ADARB2: variants seen among roughly 807,000 people sequenced by gnomAD.
The protein encoded by ADARB2 is inactive double-stranded RNA-specific editase B2.
A neutral mutation model predicts 62.2 loss-of-function variants in ADARB2; 25 were observed. The observed-to-expected ratio is 0.40, with a 90% CI of 0.29 to 0.56. ADARB2 has a LOEUF of 0.56. Ranked by LOEUF, ADARB2 falls within the 20% of genes least tolerant of loss-of-function variation. The pLI is 0.43. For synonymous variants in ADARB2, 572 were observed against 500.8 expected (o/e 1.14, Z -1.90); for missense variants, 1,071 against 1,077.4 (o/e 0.99, Z 0.08).
chr10:1,353,905 C>T (rs1295232953), intron 3 of ADARB2, among the ~76,000 whole-genome samples: 1 of 152,208 alleles, frequency 6.6e-6, no homozygotes, highest in Non-Finnish European at 1.5e-5. Flanking sequence ...AGACTCTCCT[C>T]CCATGCCCTC....
intron 5 of ADARB2, among the ~76,000 whole-genome samples, chr10:1,235,010 G>C (rs1830851413): frequency 6.6e-6 from 1 of 152,142 alleles, no homozygotes; most frequent in Admixed American, 6.5e-5. Context: ...GCCCCCCAAA[G>C]AGCTGGGATT....
At chr10:1,497,351 G>T (rs1430815549) in intron 1 of ADARB2, among the ~76,000 whole-genome samples, 1 of 152,170 alleles carries the variant, frequency 6.6e-6, no homozygotes, top group Non-Finnish European at 1.5e-5. Context: ...TTCATCATAT[G>T]AAATATTGCA....
At chr10:1,578,425 C>A (rs140473679) in intron 1 of ADARB2, among the ~76,000 whole-genome samples, 121 of 152,242 alleles carry the variant, frequency 7.9e-4, no homozygotes, top group African/African-American at 2.6e-3. Context: ...GACTTTGAAA[C>A]CTGCGTGAGG....
intron 1 of ADARB2, among the ~76,000 whole-genome samples, chr10:1,647,862 G>T (rs1028935541): frequency 2.6e-5 from 4 of 151,896 alleles, no homozygotes; most frequent in Non-Finnish European, 4.4e-5. Flanking sequence ...ATGTGTATGT[G>T]TGTGTATGTG....
intron 1 of ADARB2, among the ~76,000 whole-genome samples, chr10:1,674,414 G>C (rs1017541400): frequency 2.6e-5 from 4 of 152,160 alleles, no homozygotes; most frequent in Non-Finnish European, 5.9e-5. Context: ...GCTTTGGGTG[G>C]CACTGAGATT....
intron 1 of ADARB2, among the ~76,000 whole-genome samples, chr10:1,474,709 C>T (rs748368455): frequency 2.6e-5 from 4 of 152,106 alleles, no homozygotes; most frequent in Non-Finnish European, 5.9e-5. Flanking sequence ...GGAGAGAATG[C>T]GTGGGAATGG....
chr10:1,325,438 T>C (rs980078827), intron 3 of ADARB2, among the ~76,000 whole-genome samples: 3 of 152,218 alleles, frequency 2.0e-5, no homozygotes, highest in African/African-American at 7.2e-5. Context: ...CACTCCTGCA[T>C]GTACTGGATA....
chr10:1,540,487 G>A (rs3956253), intron 1 of ADARB2, among the ~76,000 whole-genome samples: 8,661 of 109,910 alleles, frequency 0.079, 1,445 homozygotes, highest in Non-Finnish European at 0.1. Flanking sequence ...CTCAGACGTA[G>A]TTCAGACCCT....
intron 1 of ADARB2, among the ~76,000 whole-genome samples, chr10:1,501,139 C>A (rs563859414): frequency 6.6e-6 from 1 of 152,176 alleles, no homozygotes; most frequent in African/African-American, 2.4e-5. Context: ...TCCCAAAGTG[C>A]TGGGATTATA....
At chr10:1,232,336 TGTA>T (rs960620281) in intron 6 of ADARB2, among the ~76,000 whole-genome samples, 54 of 152,210 alleles carry the variant, frequency 3.5e-4, no homozygotes, top group African/African-American at 1.3e-3. Flanking sequence ...ACATGTGTGT[TGTA>T]TATGCTGTGT....
intron 1 of ADARB2, among the ~76,000 whole-genome samples, chr10:1,604,760 G>A (rs1252811947): frequency 6.6e-6 from 1 of 152,158 alleles, no homozygotes; most frequent in African/African-American, 2.4e-5. Context: ...GTTACAATGA[G>A]TTCATGCATC....
At chr10:1,231,086 G>C (rs11250351) in intron 6 of ADARB2, among the ~76,000 whole-genome samples, 1 of 152,086 alleles carries the variant, frequency 6.6e-6, no homozygotes, top group Non-Finnish European at 1.5e-5. Context: ...CAGTGGACTA[G>C]AACTGTCCCC....
intron 1 of ADARB2, among the ~76,000 whole-genome samples, chr10:1,514,467 A>G (rs960724300): frequency 3.3e-5 from 5 of 151,760 alleles, no homozygotes; most frequent in Non-Finnish European, 7.4e-5. Flanking sequence ...TTTGATGCCC[A>G]TTATCTGGGA....
chr10:1,510,108 CTCTCTTTCTTTCTTTCTT>C (rs1831908239), intron 1 of ADARB2, among the ~76,000 whole-genome samples: 1 of 120,918 alleles, frequency 8.3e-6, no homozygotes, highest in African/African-American at 3.1e-5. Flanking sequence ...TTCTTTCTTT[CTCTCTTTCTTTCTTTCTT>C]TCTTTCTTTC....
chr10:1,646,930 A>G (rs1834050783), intron 1 of ADARB2, among the ~76,000 whole-genome samples: 1 of 152,212 alleles, frequency 6.6e-6, no homozygotes, highest in African/African-American at 2.4e-5. Flanking sequence ...GTTCCTCTGG[A>G]TCCTAGAAAT....
At chr10:1,607,467 A>T (rs1833507333) in intron 1 of ADARB2, among the ~76,000 whole-genome samples, 1 of 152,186 alleles carries the variant, frequency 6.6e-6, no homozygotes, top group Admixed American at 6.5e-5. Flanking sequence ...TGTGATCTGC[A>T]GCTGAGACAC....
chr10:1,369,452 T>A (rs1420811477), intron 2 of ADARB2, among the ~76,000 whole-genome samples: 3 of 152,040 alleles, frequency 2.0e-5, no homozygotes, highest in African/African-American at 7.2e-5. Context: ...ACCCCCTGGA[T>A]TGTGTCCCAA....
intron 3 of ADARB2, among the ~76,000 whole-genome samples, chr10:1,286,818 AG>A (rs1831418067): frequency 6.6e-6 from 1 of 152,140 alleles, no homozygotes; most frequent in Admixed American, 6.5e-5. Context: ...GGGTGTTAGG[AG>A]GTTGGATGAC....
chr10:1,472,035 C>T (rs1172536676), intron 1 of ADARB2, among the ~76,000 whole-genome samples: 2 of 152,198 alleles, frequency 1.3e-5, no homozygotes, highest in Non-Finnish European at 2.9e-5. Context: ...ACCATCTTGC[C>T]CTCAGAGGAG....
Sources: allele counts gnomAD v4.1 joint callset (sites outside exome capture counted in the v4.1 genomes callset), GRCh38; gene constraint gnomAD v4.1.1; transcripts MANE v1.5; gene names NCBI Gene and HGNC (gene_info 2026-07-23, HGNC 2026-07-21).